Variants in WDR59 observed in about 807,000 individuals in gnomAD.
The protein encoded by WDR59 is WD repeat domain 59.
WDR59 carries 100 observed loss-of-function variants against 131.2 expected under a neutral mutation model. The observed-to-expected ratio is 0.76, with a 90% CI of 0.65 to 0.90. WDR59 has a LOEUF of 0.90. Ranked by LOEUF, WDR59 falls within the 40% of genes least tolerant of loss-of-function variation. The pLI is 0.00. For missense variants in WDR59, 1,203 were observed against 1,262.2 expected, an observed-to-expected ratio of 0.95 and a Z score of 0.71; for synonymous variants, 601 against 466.2, an observed-to-expected ratio of 1.29 and a Z score of -3.72.
chr16:74,968,057 C>T (rs6564188), intron 1 of WDR59, among the ~76,000 whole-genome samples: 86,549 of 151,890 alleles, frequency 0.57, 26,312 homozygotes, highest in African/African-American at 0.78. Flanking sequence ...AAAGGACAAA[C>T]ATTATATGAC....
chr16:74,918,603 T>G (rs1204591696), intron 10 of WDR59, among the ~76,000 whole-genome samples: 1 of 152,244 alleles, frequency 6.6e-6, no homozygotes, highest in Non-Finnish European at 1.5e-5. Context: ...TATTTTCATC[T>G]TAACTCTGGT....
intron 11 of WDR59, 48 bp from the exon 12 acceptor site, chr16:74,916,307 G>T: frequency 6.2e-7 from 1 of 1,610,374 alleles, no homozygotes; most frequent in South Asian, 1.1e-5. Flanking sequence ...CCGTGGAAAT[G>T]ATTGTCATGT....
In WDR59 at chr16:74,886,524, CT is replaced by C. The variant is rs796227780; in HGVS notation, c.2420-129del. The stretch of plus-strand genomic sequence containing the variant: ...GAAATGTTAAGCGAGGCTGAATATT[CT>C]GAGAAATATAACTAAATAGAACTCT... On this transcript the variant is annotated intron_variant, in intron 23 of 25. Transcript: ENST00000262144. 42 of 1,268,156 alleles carry C rather than the reference CT, an allele frequency of 3.3e-5. No homozygotes were observed. In the African/African-American group the frequency reaches 6.0e-4, roughly 18 times the overall value. The allele number at this position is 1,268,156 out of a possible 1,614,324, so 78.6% of individuals were successfully genotyped here.
In WDR59 at chr16:74,956,622, C is replaced by G; in HGVS notation, c.105-12G>C. ...ATAAGAATCTGCGGCTAGAGACCAA[C>G]ATCAACATTATAATAGTATAAAAAC... is the stretch of plus-strand genomic sequence containing the variant. On this transcript the variant is annotated splice_polypyrimidine_tract_variant and intron_variant, in intron 2 of 25. Transcript: ENST00000262144. 2 of 1,613,510 alleles carry G rather than the reference C, an allele frequency of 1.2e-6. No individual in the cohort carries two copies. The highest frequency in any genetic ancestry group is 1.7e-6 in the Non-Finnish European group (2 of 1,179,798).
chr16:74,895,469 G>A (rs1232625796), intron 18 of WDR59, among the ~76,000 whole-genome samples: 1 of 152,042 alleles, frequency 6.6e-6, no homozygotes, highest in Non-Finnish European at 1.5e-5. Flanking sequence ...CACCATATTG[G>A]CCAGGCTGGT....
chr16:74,877,545 T>A (rs1291232952), intron 25 of WDR59, among the ~76,000 whole-genome samples: 1 of 152,194 alleles, frequency 6.6e-6, no homozygotes, highest in Non-Finnish European at 1.5e-5. Context: ...ATTGATTGAT[T>A]TTTATTTATT....
At chr16:74,907,340 G>A (rs981799762) in intron 17 of WDR59, among the ~76,000 whole-genome samples, 1 of 152,236 alleles carries the variant, frequency 6.6e-6, no homozygotes, top group African/African-American at 2.4e-5. Context: ...GAGGGACACA[G>A]TGGGAGGTGA....
At chr16:74,951,337 C>T in intron 4 of WDR59, 121 bp downstream of exon 4, 1 of 952,442 alleles carries the variant, frequency 1.0e-6, no homozygotes, top group Non-Finnish European at 1.6e-6. Context: ...ACCCGCTGAC[C>T]ACCCGGGACC....
intron 24 of WDR59, 29 bp from the exon 25 acceptor site, chr16:74,885,824 A>G: frequency 1.2e-6 from 2 of 1,606,474 alleles, no homozygotes; most frequent in African/African-American, 2.7e-5. Context: ...ATTTCCTGTC[A>G]GTTCCTTTAA....
intron 13 of WDR59, among the ~76,000 whole-genome samples, chr16:74,913,708 A>T (rs1390441516): frequency 6.6e-6 from 1 of 152,202 alleles, no homozygotes; most frequent in Non-Finnish European, 1.5e-5. Flanking sequence ...ACCAGACTCA[A>T]CTTAAAAAGT....
intron 2 of WDR59, among the ~76,000 whole-genome samples, chr16:74,958,819 G>C (rs1000000647): frequency 4.3e-5 from 6 of 139,340 alleles, no homozygotes; most frequent in African/African-American, 1.5e-4. Context: ...TCCCAGCACT[G>C]TGGGAGGCCG....
At chr16:74,980,839 G>A (rs2034374562) in intron 1 of WDR59, among the ~76,000 whole-genome samples, 1 of 150,952 alleles carries the variant, frequency 6.6e-6, no homozygotes, top group Admixed American at 6.6e-5. Context: ...GGTGTGGTGG[G>A]GCACGCCTGT....
chr16:74,968,780 T>C (rs928861238), intron 1 of WDR59, among the ~76,000 whole-genome samples: 25 of 151,886 alleles, frequency 1.6e-4, no homozygotes, highest in African/African-American at 5.8e-4. Flanking sequence ...CTCACCCATA[T>C]CAGAGGAAGT....
intron 7 of WDR59, among the ~76,000 whole-genome samples, chr16:74,941,265 CAA>C (rs1422917280): frequency 6.8e-6 from 1 of 146,638 alleles, no homozygotes; most frequent in Non-Finnish European, 1.5e-5. Flanking sequence ...AGCTTGAGCC[CAA>C]GAGGTCGAGG....
intron 25 of WDR59, among the ~76,000 whole-genome samples, chr16:74,882,530 C>T (rs563724047): frequency 3.9e-5 from 6 of 152,168 alleles, no homozygotes; most frequent in South Asian, 2.1e-4. Context: ...GCCAGTAGTT[C>T]GAGACCAGCC....
chr16:74,928,204 G>GTT (rs71378719), intron 8 of WDR59, among the ~76,000 whole-genome samples: 1 of 114,796 alleles, frequency 8.7e-6, no homozygotes, highest in African/African-American at 3.4e-5. Flanking sequence ...CTGCATCCAG[G>GTT]TTTTTTTTTT....
intron 1 of WDR59, chr16:74,979,249 G>C (rs1183753260): frequency 6.6e-6 from 1 of 151,934 alleles, no homozygotes; most frequent in African/African-American, 2.4e-5. Context: ...CAGATCACGA[G>C]ATCAGGAGAT....
intron 17 of WDR59, among the ~76,000 whole-genome samples, chr16:74,906,468 C>A (rs11149780): frequency 0.5 from 76,315 of 151,614 alleles, 22,067 homozygotes; most frequent in Non-Finnish European, 0.64. Flanking sequence ...CCACTGTGCA[C>A]AAACTTTTGG....
intron 19 of WDR59, 141 bp downstream of exon 19, chr16:74,893,538 G>T (rs1009968560): frequency 2.3e-6 from 2 of 879,680 alleles, no homozygotes; most frequent in Non-Finnish European, 3.3e-6. Flanking sequence ...GTGGGAATTT[G>T]TCCACAGCAA....
Sources: gnomAD v4.1 joint callset for allele counts (sites outside exome capture counted in the v4.1 genomes callset) on GRCh38, gnomAD v4.1.1 for gene constraint, MANE v1.5 for transcripts, NCBI Gene and HGNC (gene_info 2026-07-23, HGNC 2026-07-21) for gene names.